RNF150: variants seen among roughly 807,000 people sequenced by gnomAD.
RNF150 encodes ring finger protein 150.
RNF150 carries 24 observed loss-of-function variants against 39.3 expected under a neutral mutation model. That is an observed-to-expected ratio of 0.61 (90% confidence interval 0.44 to 0.86). The LOEUF is 0.86. Among genes scored for constraint, RNF150 ranks in the 40% least tolerant of loss-of-function variants. The pLI, the probability that RNF150 is intolerant of heterozygous loss-of-function variation, is 0.00. For missense variants in RNF150, 502 were observed against 587.8 expected (o/e 0.85, Z 1.51); for synonymous variants, 255 against 227.3 (o/e 1.12, Z -1.10).
intron 1 of RNF150, among the ~76,000 whole-genome samples, chr4:141,159,048 C>T (rs1727467757): frequency 6.6e-6 from 1 of 152,182 alleles, no homozygotes; most frequent in African/African-American, 2.4e-5. Context: ...ATGCTGTAAA[C>T]TACAGCCCCT....
At chr4:141,188,166 A>C (rs2111198080) in intron 1 of RNF150, among the ~76,000 whole-genome samples, 1 of 152,280 alleles carries the variant, frequency 6.6e-6, no homozygotes, top group Admixed American at 6.5e-5. Context: ...AGAACGTTGA[A>C]TATTGGTTCC....
At chr4:140,905,044 T>G (rs1365531604) in intron 6 of RNF150, among the ~76,000 whole-genome samples, 1 of 152,142 alleles carries the variant, frequency 6.6e-6, no homozygotes, top group Non-Finnish European at 1.5e-5. Context: ...TCTTTGGAAG[T>G]TTTTCCTATA....
chr4:141,074,594 C>T (rs1208220530), intron 1 of RNF150, among the ~76,000 whole-genome samples: 1 of 151,982 alleles, frequency 6.6e-6, no homozygotes, highest in East Asian at 1.9e-4. Flanking sequence ...GTACTAAAGC[C>T]CAGAGGCTAG....
intron 6 of RNF150, among the ~76,000 whole-genome samples, chr4:140,904,944 C>A (rs1173993809): frequency 2.0e-5 from 3 of 152,150 alleles, no homozygotes; most frequent in Non-Finnish European, 2.9e-5. Flanking sequence ...TCTTTAGGAG[C>A]AATGAATCCC....
intron 2 of RNF150, among the ~76,000 whole-genome samples, chr4:140,957,648 C>A (rs1382851851): frequency 6.6e-6 from 1 of 151,700 alleles, no homozygotes; most frequent in African/African-American, 2.4e-5. Context: ...TTGGAACCAA[C>A]CCAAATGTCC....
chr4:141,158,318 CAA>C (rs1359190718), intron 1 of RNF150, among the ~76,000 whole-genome samples: 19 of 151,894 alleles, frequency 1.3e-4, no homozygotes, highest in Admixed American at 6.6e-5. Context: ...AAAAACAAAA[CAA>C]AGAACAACAG....
intron 2 of RNF150, among the ~76,000 whole-genome samples, chr4:140,957,539 C>G (rs1482604625): frequency 6.6e-6 from 1 of 152,184 alleles, no homozygotes; most frequent in Non-Finnish European, 1.5e-5. Context: ...ACCCAGCCAT[C>G]CCATTACTGG....
At chr4:141,120,457 A>G (rs543352497) in intron 1 of RNF150, among the ~76,000 whole-genome samples, 2 of 152,256 alleles carry the variant, frequency 1.3e-5, no homozygotes, top group South Asian at 4.1e-4. Context: ...ACGCTGCCAA[A>G]TTGTACTTTG....
chr4:141,047,686 T>C (rs1418927533), intron 1 of RNF150, among the ~76,000 whole-genome samples: 3 of 152,130 alleles, frequency 2.0e-5, no homozygotes, highest in Non-Finnish European at 4.4e-5. Flanking sequence ...TGCACAGGAT[T>C]TTCCAAGGAT....
At chr4:140,938,359 A>G (rs1460680680) in intron 4 of RNF150, among the ~76,000 whole-genome samples, 1 of 151,998 alleles carries the variant, frequency 6.6e-6, no homozygotes, top group African/African-American at 2.4e-5. Context: ...AGGGAGAGTG[A>G]GTGAGAGGCT....
chr4:141,025,940 A>G (rs1425430), intron 1 of RNF150, among the ~76,000 whole-genome samples: 97,004 of 151,998 alleles, frequency 0.64, 32,345 homozygotes, highest in Non-Finnish European at 0.75. Flanking sequence ...ATTAGGTCAC[A>G]AGAGTGGAGC....
rs557313312 is a variant in RNF150 at position 141,004,903 on chromosome 4, C to CT, written c.485-37031dup. Among the ~76,000 whole-genome samples, 18 of 152,246 alleles carry CT rather than the reference C, an allele frequency of 1.2e-4. No individual in the cohort carries two copies. The South Asian group carries it at 2.9e-3, about 25-fold the overall frequency. Reference sequence around the variant, plus strand: ...ATCAGTAACTACAATGGATTATTTCCTTTTTTATTAAAAAAAGAGAAGTTC... The same window carrying CT: ...ATCAGTAACTACAATGGATTATTTCCTTTTTTTATTAAAAAAAGAGAAGTTC... On this transcript the variant is annotated intron_variant, in intron 1 of 6. Coordinates refer to ENST00000515673, the MANE Select transcript of RNF150 (RefSeq NM_020724.2).
intron 1 of RNF150, among the ~76,000 whole-genome samples, chr4:141,188,995 G>T (rs1728060996): frequency 6.6e-6 from 1 of 152,212 alleles, no homozygotes; most frequent in Non-Finnish European, 1.5e-5. Context: ...TTTTGTGCTG[G>T]TTCTTCCTCA....
At chr4:140,976,419 C>T (rs551439505) in intron 1 of RNF150, among the ~76,000 whole-genome samples, 7 of 152,078 alleles carry the variant, frequency 4.6e-5, no homozygotes, top group African/African-American at 1.4e-4. Context: ...TCAGTGTTTG[C>T]GAGGATGACC....
intron 6 of RNF150, among the ~76,000 whole-genome samples, chr4:140,889,509 A>G (rs973669433): frequency 9.9e-5 from 15 of 152,190 alleles, no homozygotes; most frequent in African/African-American, 3.6e-4. Flanking sequence ...AAAGTTTGCA[A>G]TCCCTAAATG....
intron 1 of RNF150, among the ~76,000 whole-genome samples, chr4:140,975,053 C>T (rs1015813613): frequency 7.2e-5 from 11 of 151,964 alleles, no homozygotes; most frequent in Non-Finnish European, 1.2e-4. Context: ...TTCAGGAGTT[C>T]GAGACCAGCC....
At chr4:141,077,077 C>T (rs1416843724) in intron 1 of RNF150, among the ~76,000 whole-genome samples, 1 of 151,930 alleles carries the variant, frequency 6.6e-6, no homozygotes, top group African/African-American at 2.4e-5. Context: ...CTACTCACTA[C>T]ACCTCCTTCT....
chr4:141,145,425 A>G (rs1171619475), intron 1 of RNF150, among the ~76,000 whole-genome samples: 1 of 152,272 alleles, frequency 6.6e-6, no homozygotes, highest in East Asian at 1.9e-4. Context: ...ATAACCTATT[A>G]TAAAGATAAA....
chr4:140,959,259 A>G (rs191894663), intron 2 of RNF150, among the ~76,000 whole-genome samples: 7 of 152,234 alleles, frequency 4.6e-5, no homozygotes, highest in Admixed American at 3.3e-4. Context: ...CTAAAACCCC[A>G]ACCTTGACCC....
Sources: gnomAD v4.1 joint callset for allele counts (sites outside exome capture counted in the v4.1 genomes callset) on GRCh38, gnomAD v4.1.1 for gene constraint, MANE v1.5 for transcripts, NCBI Gene and HGNC (gene_info 2026-07-23, HGNC 2026-07-21) for gene names.